Variants in NECTIN2 observed in about 807,000 individuals in gnomAD.
NECTIN2 encodes nectin cell adhesion molecule 2.
A neutral mutation model predicts 56.9 loss-of-function variants in NECTIN2; 23 were observed. That is an observed-to-expected ratio of 0.40 (90% CI 0.29 to 0.57). NECTIN2 has a LOEUF of 0.57. Among genes scored for constraint, NECTIN2 ranks in the 20% least tolerant of loss-of-function variants. NECTIN2 has a pLI of 0.38. For synonymous variants in NECTIN2, 302 were observed against 313.8 expected (o/e 0.96, Z 0.40); for missense variants, 587 against 718.3 (o/e 0.82, Z 2.09).
rs1457967086 is a variant in NECTIN2 at position 44,874,345 on chromosome 19, C to T, written c.909C>T (p.Phe303=). 2 of 1,614,172 alleles carry T rather than the reference C, an allele frequency of 1.2e-6. No homozygotes were observed. Among genetic ancestry groups the T allele is most frequent in the East Asian group, 2.2e-5 (1 of 44,878 alleles). The part of the protein sequence containing the change: ...GYDWSTTSGT[F]PTSAVAQGSQ... ...ACCCCTCCAGGACCTCAGGCACCTT[C>T]CCGACCTCCGCAGTGGCCCAGGGCT... is the stretch of plus-strand genomic sequence containing the variant. Residue 303 remains phenylalanine, a synonymous_variant, in exon 5 of 9, where the codon TTC becomes TTT. Transcript: ENST00000252483. The surrounding 1 kb of genome is among the most constrained non-coding windows in gnomAD (Gnocchi z 6.3).
chr19:44,847,530 G>A (rs1365387668), intron 1 of NECTIN2, among the ~76,000 whole-genome samples: 1 of 152,128 alleles, frequency 6.6e-6, no homozygotes, highest in Non-Finnish European at 1.5e-5. Context: ...CCCGTCTCTT[G>A]GGCTCCAGAT....
intron 1 of NECTIN2, among the ~76,000 whole-genome samples, chr19:44,857,495 G>A (rs995280750): frequency 4.7e-5 from 7 of 149,756 alleles, no homozygotes; most frequent in East Asian, 2.1e-4. Context: ...TCCACCTCCC[G>A]GGTTCAAGCA....
rs1969386748 is a variant in NECTIN2, at chr19:44,888,561, G to A, written c.*182G>A. The A allele has an allele frequency of 1.4e-5, 9 of 661,362 alleles. No homozygotes were observed. Among genetic ancestry groups the A allele is most frequent in the African/African-American group, 3.6e-5 (2 of 54,962 alleles). 41.0% of individuals were successfully genotyped at this position (661,362 alleles called of 1,614,324 possible). ...ACCCATGAGCCCAGAGAAATTCACC[G>A]TGATAATGGAATCCTGGCAACCTTA... On this transcript the variant is annotated 3_prime_UTR_variant, in exon 9 of 9. Transcript: ENST00000252483.
chr19:44,866,110 T>C (rs1599917021), intron 2 of NECTIN2, among the ~76,000 whole-genome samples: 1 of 151,914 alleles, frequency 6.6e-6, no homozygotes, highest in East Asian at 1.9e-4. Flanking sequence ...AGGCAGAGGT[T>C]GCAGTGAGCC....
rs1477535670 is a variant in NECTIN2, at chr19:44,875,260, G to A, written c.1042+782G>A. ...AACGAAGCCAGATGACACCTGGAAA[G>A]GGACATTCTTTTTTTTTTTTTTTGA... On this transcript the variant is annotated intron_variant, in intron 5 of 8. Transcript: ENST00000252483. The surrounding 1 kb of genome is among the most constrained non-coding windows in gnomAD (Gnocchi z 4.2). Among the ~76,000 whole-genome samples the A allele has an allele frequency of 1.3e-5, 2 of 150,206 alleles. No individual in the cohort carries two copies. Among genetic ancestry groups the A allele is most frequent in the Non-Finnish European group, 3.0e-5 (2 of 67,778 alleles).
At chr19:44,885,766 G>T (rs958318463) in intron 6 of NECTIN2, among the ~76,000 whole-genome samples, 171 bp from the exon 7 acceptor site, 1 of 152,198 alleles carries the variant, frequency 6.6e-6, no homozygotes, top group African/African-American at 2.4e-5. Flanking sequence ...AAACCTGAAG[G>T]CTTCCGGGAA....
rs973777113 is a variant in NECTIN2 at position 44,875,437 on chromosome 19, T to A, written c.1042+959T>A. On this transcript the variant is annotated intron_variant, in intron 5 of 8. Coordinates refer to ENST00000252483, the MANE Select transcript of NECTIN2 (RefSeq NM_001042724.2). This position sits in a 1 kb window ranked among gnomAD's most constrained non-coding sequence, Gnocchi z 4.2. ...CTCACCACCAAACCCGGCTAAGTTT[T>A]GTATTTTTAGTAGAGACAGGGTTTC... Among the ~76,000 whole-genome samples, 1 of 152,164 alleles carries A rather than the reference T, an allele frequency of 6.6e-6. No individual in the cohort carries two copies.
chr19:44,854,897 G>A (rs796600442), intron 1 of NECTIN2, among the ~76,000 whole-genome samples: 1 of 152,050 alleles, frequency 6.6e-6, no homozygotes, highest in South Asian at 2.1e-4. Context: ...AGTCCCAGGC[G>A]GGCGGATCAC....
intron 1 of NECTIN2, among the ~76,000 whole-genome samples, chr19:44,862,364 G>A (rs1450087399): frequency 2.6e-5 from 4 of 151,020 alleles, no homozygotes; most frequent in African/African-American, 9.7e-5. Context: ...GCAGTGAGCC[G>A]AGATGGCACC....
Position 44,846,419 on chromosome 19 carries a change from A to C in NECTIN2, c.-107A>C. 1 of 1,314,076 alleles carries C rather than the reference A, an allele frequency of 7.6e-7. No homozygotes were observed. The highest frequency in any genetic ancestry group is 1.7e-5 in the South Asian group (1 of 57,606). 81.4% of individuals were successfully genotyped at this position (1,314,076 alleles called of 1,614,324 possible). ...TAGAGCGCAGCGGGAACCGGCCCGG[A>C]GCCGGAGCCGGAGCCCCACAGGCAC... is the stretch of plus-strand genomic sequence containing the variant. On this transcript the variant is annotated 5_prime_UTR_variant, in exon 1 of 9. Coordinates refer to ENST00000252483, the MANE Select transcript of NECTIN2 (RefSeq NM_001042724.2).
chr19:44,872,680 C>T (rs192039565), intron 3 of NECTIN2, among the ~76,000 whole-genome samples: 8 of 152,032 alleles, frequency 5.3e-5, no homozygotes, highest in Admixed American at 2.0e-4. Context: ...AACCTAACAT[C>T]GTCTCCACAC....
chr19:44,868,519 T>TA (rs1299948423), intron 2 of NECTIN2, among the ~76,000 whole-genome samples: 2 of 149,348 alleles, frequency 1.3e-5, no homozygotes, highest in Admixed American at 1.3e-4. Context: ...TTGTCCAGGC[T>TA]AGACTCGAAC....
chr19:44,883,144 C>T (rs770860026), intron 6 of NECTIN2, among the ~76,000 whole-genome samples: 7 of 152,094 alleles, frequency 4.6e-5, no homozygotes, highest in African/African-American at 1.7e-4. Context: ...ATTAAAATAA[C>T]GTAAGCTATT....
intron 1 of NECTIN2, 141 bp downstream of exon 1, chr19:44,846,754 C>T: frequency 1.1e-6 from 1 of 938,850 alleles, no homozygotes; most frequent in African/African-American, 1.8e-5. Flanking sequence ...GCTGGCCCCA[C>T]AGACTCCGAC....
At chr19:44,857,179 G>A (rs1215154025) in intron 1 of NECTIN2, among the ~76,000 whole-genome samples, 1 of 151,902 alleles carries the variant, frequency 6.6e-6, no homozygotes, top group East Asian at 1.9e-4. Flanking sequence ...CCACCCCGGA[G>A]TGTGGATTCA....
In NECTIN2 at chr19:44,881,272, T is replaced by C. The variant is rs146152554; in HGVS notation, c.1043-939T>C. 2.5e-3 allele frequency among the ~76,000 whole-genome samples: 386 copies of C among 152,224 alleles called. 1 individual carries two copies. Among genetic ancestry groups the C allele is most frequent in the African/African-American group, 8.9e-3 (370 of 41,540 alleles). ...CCAGAGGTGATTCTGGATCCCAGAA[T>C]TCTGTCCCCGCATTCTCTGTCTTCT... On this transcript the variant is annotated intron_variant, in intron 5 of 8. Transcript: ENST00000252483.
At chr19:44,858,560 G>A (rs1968996283) in intron 1 of NECTIN2, among the ~76,000 whole-genome samples, 1 of 151,712 alleles carries the variant, frequency 6.6e-6, no homozygotes, top group Admixed American at 6.6e-5. Context: ...TGACCTCAGG[G>A]TGATCCATCC....
chr19:44,846,662 T>A, intron 1 of NECTIN2, 49 bp downstream of exon 1: 1 of 1,459,486 alleles, frequency 6.9e-7, no homozygotes, highest in Non-Finnish European at 9.0e-7. Context: ...CCCTCCAACC[T>A]TACCTTCCGA....
At chr19:44,848,736 C>G (rs1426091882) in intron 1 of NECTIN2, among the ~76,000 whole-genome samples, 1 of 151,614 alleles carries the variant, frequency 6.6e-6, no homozygotes, top group Non-Finnish European at 1.5e-5. Flanking sequence ...CTCTTCATCT[C>G]TCTTCGTTTC....
Sources: gnomAD v4.1 joint callset for allele counts (sites outside exome capture counted in the v4.1 genomes callset) on GRCh38, gnomAD v4.1.1 for gene constraint, Gnocchi (gnomAD v3.1) non-coding constraint, MANE v1.5 for transcripts, NCBI Gene and HGNC (gene_info 2026-07-23, HGNC 2026-07-21) for gene names.